Variants in CCPG1 observed in about 807,000 individuals in gnomAD.
CCPG1 encodes the protein cell cycle progression protein 1.
Under a neutral mutation model 81.3 loss-of-function variants are expected in CCPG1, and 46 were observed. The observed-to-expected ratio is 0.57, with a 90% CI of 0.45 to 0.72. The LOEUF is 0.72. CCPG1 is among the 30% of genes least tolerant of loss of function. CCPG1 has a pLI of 0.00. For missense variants in CCPG1, 902 were observed against 937.6 expected (o/e 0.96, Z 0.50); for synonymous variants, 330 against 305.2 (o/e 1.08, Z -0.85).
intron 7 of CCPG1, 60 bp from the exon 8 acceptor site, chr15:55,361,004 A>G: frequency 7.0e-7 from 1 of 1,423,736 alleles, no homozygotes; most frequent in Non-Finnish European, 9.2e-7. Context: ...GCTGAATTTA[A>G]ATCTTCAAGA....
intron 1 of CCPG1, 127 bp from the exon 2 acceptor site, chr15:55,389,560 A>G (rs2056873531): frequency 1.4e-6 from 1 of 690,170 alleles, no homozygotes. Flanking sequence ...CAAGCCACCC[A>G]TAGATTTACC....
chr15:55,400,300 TGAGTTCGAGACCAGCCTGGTC>T (rs1257727678), intron 1 of CCPG1, among the ~76,000 whole-genome samples: 2 of 143,484 alleles, frequency 1.4e-5, no homozygotes, highest in Non-Finnish European at 3.0e-5. Context: ...CACGAGGTCA[TGAGTTCGAGACCAGCCTGGTC>T]AACATGGTGA....
chr15:55,372,158 C>T, intron 5 of CCPG1, 114 bp from the exon 6 acceptor site: 2 of 1,011,122 alleles, frequency 2.0e-6, no homozygotes, highest in South Asian at 1.7e-5. Context: ...CATAAGATAG[C>T]CAAAAACAAA....
intron 8 of CCPG1, chr15:55,358,749 T>G: frequency 3.0e-6 from 3 of 985,370 alleles, no homozygotes; most frequent in Non-Finnish European, 3.6e-6. Flanking sequence ...AAGCAAAAAT[T>G]TTTCACTTGT....
At chr15:55,357,500 G>A (rs925382819) in intron 8 of CCPG1, 52 of 872,590 alleles carry the variant, frequency 6.0e-5, no homozygotes, top group Middle Eastern at 6.1e-4. Context: ...TGAGGTTTCC[G>A]TTACCTGTGG....
Position 55,360,665 on chromosome 15 carries a change from T to C in CCPG1, c.1108A>G (p.Ser370Gly), listed in dbSNP as rs756228098. ...TCTGTCAACAGAGTCTCCCTTTGAC[T>C]AAGAAAGCTGTGTTTTTTCTGCTTT... ...EEKQKKHSFL[S>G]QRETLLTEAK... The change falls in exon 8 of 9, where the codon AGT becomes GGT. Residue 370 changes from serine (S) to glycine (G), a missense_variant. This residue lies in a region of CCPG1 where 746 missense variants were observed against 728.6 expected (regional missense o/e 1.02). Coordinates refer to ENST00000442196, the MANE Select transcript of CCPG1 (RefSeq NM_001204450.2). The C allele has an allele frequency of 3.1e-6, 5 of 1,614,092 alleles. No homozygotes were observed. In the East Asian group the frequency reaches 1.1e-4, roughly 36 times the overall value.
rs1363336979 is a variant in CCPG1 at position 55,357,074 on chromosome 15, G to A, written c.2235-665C>T. On this transcript the variant is annotated intron_variant, in intron 8 of 8. Transcript: ENST00000442196. ...CCCATGGATGTTGGTGTTCTCCCAG[G>A]AGTCTGATAAATATACAGTCTCGGC... 4 of 985,126 alleles carry A rather than the reference G, an allele frequency of 4.1e-6. No homozygotes were observed. In the African/African-American group the frequency reaches 5.3e-5, roughly 13 times the overall value. The allele number at this position is 985,126 out of a possible 1,614,324, so 61.0% of individuals were successfully genotyped here. A position where few individuals can be genotyped will look rare whatever the true frequency, so the allele number is the denominator to read the frequency against.
At chr15:55,364,191 T>A (rs1272213051) in intron 7 of CCPG1, among the ~76,000 whole-genome samples, 2 of 150,622 alleles carry the variant, frequency 1.3e-5, no homozygotes, top group Admixed American at 1.3e-4. Context: ...ATTTTGCTGA[T>A]CCTCATAAAC....
intron 1 of CCPG1, among the ~76,000 whole-genome samples, chr15:55,397,080 A>G (rs4774209): frequency 0.46 from 69,036 of 151,534 alleles, 16,913 homozygotes; most frequent in East Asian, 0.74. Flanking sequence ...CGGGCGTGGT[A>G]GCGGGCGCCT....
chr15:55,401,174 T>C (rs1037378168), intron 1 of CCPG1, among the ~76,000 whole-genome samples: 5 of 152,228 alleles, frequency 3.3e-5, no homozygotes, highest in African/African-American at 1.2e-4. Flanking sequence ...AAATATTGAA[T>C]ATTCCACACT....
intron 1 of CCPG1, among the ~76,000 whole-genome samples, chr15:55,394,735 G>C (rs1401140046): frequency 1.3e-5 from 2 of 151,738 alleles, no homozygotes; most frequent in East Asian, 3.9e-4. Context: ...TAAAACTTGA[G>C]AAAGTTCTAT....
At chr15:55,392,253 C>T (rs2056935282) in intron 1 of CCPG1, among the ~76,000 whole-genome samples, 1 of 142,864 alleles carries the variant, frequency 7.0e-6, no homozygotes, top group Non-Finnish European at 1.5e-5. Context: ...CACTCTGTCA[C>T]CAGGCTGGAG....
intron 1 of CCPG1, among the ~76,000 whole-genome samples, chr15:55,394,338 G>A (rs1442088444): frequency 6.6e-6 from 1 of 152,172 alleles, no homozygotes; most frequent in Non-Finnish European, 1.5e-5. Context: ...GGGAGAAAGT[G>A]TAGGATAGCT....
chr15:55,402,155 C>T (rs1169310671), intron 1 of CCPG1, among the ~76,000 whole-genome samples: 1 of 152,180 alleles, frequency 6.6e-6, no homozygotes, highest in Admixed American at 6.6e-5. Context: ...TTTCCTTGAG[C>T]TACTTTATTA....
At chr15:55,394,868 T>C (rs2056985967) in intron 1 of CCPG1, among the ~76,000 whole-genome samples, 1 of 151,880 alleles carries the variant, frequency 6.6e-6, no homozygotes, top group Non-Finnish European at 1.5e-5. Flanking sequence ...GCCTGCATGA[T>C]TGCTTAACTG....
At chr15:55,407,452 T>C (rs1190324075) in intron 1 of CCPG1, among the ~76,000 whole-genome samples, 1 of 152,112 alleles carries the variant, frequency 6.6e-6, no homozygotes, top group African/African-American at 2.4e-5. Flanking sequence ...AAATCTAAAA[T>C]TCATAGTACT....
At chr15:55,367,652 T>C (rs2056359122) in intron 6 of CCPG1, among the ~76,000 whole-genome samples, 1 of 150,698 alleles carries the variant, frequency 6.6e-6, no homozygotes, top group Non-Finnish European at 1.5e-5. Context: ...CCTCAACACC[T>C]GCCCCAAACC....
rs2056444886 is a variant in CCPG1, at chr15:55,371,277, T to C, written c.706+516A>G. ...ATCAATCATAATAAAGAGCAAAGTATAAGAACAAAGATGACAAACTCTCAA... is the reference window on the plus strand; with the variant it reads ...ATCAATCATAATAAAGAGCAAAGTACAAGAACAAAGATGACAAACTCTCAA... On this transcript the variant is annotated intron_variant, in intron 6 of 8. Coordinates refer to ENST00000442196, the MANE Select transcript of CCPG1 (RefSeq NM_001204450.2). Among the ~76,000 whole-genome samples the C allele has an allele frequency of 2.0e-5, 3 of 152,282 alleles. No homozygotes were observed. The South Asian group carries it at 6.2e-4, about 32-fold the overall frequency.
At chr15:55,381,739 T>C (rs1464420914) in intron 3 of CCPG1, among the ~76,000 whole-genome samples, 1 of 152,224 alleles carries the variant, frequency 6.6e-6, no homozygotes, top group African/African-American at 2.4e-5. Flanking sequence ...AACATAAGTG[T>C]ATGCAGTAAT....
Sources: allele counts gnomAD v4.1 joint callset (sites outside exome capture counted in the v4.1 genomes callset), GRCh38; gene constraint gnomAD v4.1.1; regional missense constraint gnomAD v4.1.1; transcripts MANE v1.5; gene names NCBI Gene and HGNC (gene_info 2026-07-23, HGNC 2026-07-21).